The following FAM149A variants were observed in gnomAD, a reference collection of about 807,000 sequenced individuals.
FAM149A encodes family with sequence similarity 149 member A, also known as protein FAM149A.
FAM149A carries 71 observed loss-of-function variants against 78.2 expected under a neutral mutation model. That is an observed-to-expected ratio of 0.91 (90% CI 0.75 to 1.11). The LOEUF (loss-of-function observed/expected upper bound fraction) is 1.11, where lower values mean the gene tolerates loss of function less well. FAM149A is among the 50% of genes least tolerant of loss of function. The pLI is 0.00. For missense variants in FAM149A, 1,036 were observed against 971.0 expected (o/e 1.07, Z -0.89); for synonymous variants, 446 against 410.5 (o/e 1.09, Z -1.04).
intron 1 of FAM149A, among the ~76,000 whole-genome samples, chr4:186,135,645 C>G (rs919146302): frequency 1.3e-5 from 2 of 152,184 alleles, no homozygotes; most frequent in African/African-American, 4.8e-5. Flanking sequence ...ATACCTCGTG[C>G]CTGAAAGCTG....
Position 186,149,104 on chromosome 4 carries a change from TAA to T in FAM149A, c.567-66_567-65del. The T allele has an allele frequency of 5.0e-6, 6 of 1,200,698 alleles. No homozygotes were observed. The South Asian group carries it at 7.3e-5, about 15-fold the overall frequency. The allele number at this position is 1,200,698 out of a possible 1,614,324, so 74.4% of individuals were successfully genotyped here. Reference sequence around the variant, plus strand: ...GCAACTTTGTATAAAAGAGAAATTTTAAAAGTCTTAATGAATAAAACTATATT... The same window carrying T: ...GCAACTTTGTATAAAAGAGAAATTTTAAGTCTTAATGAATAAAACTATATT... On this transcript the variant is annotated intron_variant, in intron 1 of 13. Coordinates refer to ENST00000389354, the MANE Select transcript of FAM149A (RefSeq NM_001367768.3).
At chr4:186,126,731 C>A in intron 1 of FAM149A, 1 of 305,638 alleles carries the variant, frequency 3.3e-6, no homozygotes, top group Non-Finnish European at 4.8e-6. Flanking sequence ...ACACCACTGG[C>A]TTTCCTGGTT....
chr4:186,171,766 G>T, intron 13 of FAM149A, 148 bp from the exon 14 acceptor site: 3 of 568,734 alleles, frequency 5.3e-6, no homozygotes, highest in Admixed American at 8.6e-5. Context: ...GGCAGTTTTT[G>T]CATATGACTA....
chr4:186,166,062 C>T lies in FAM149A; in HGVS notation c.2010+598C>T, dbSNP rs146186625. Among the ~76,000 whole-genome samples the T allele has an allele frequency of 2.4e-3, 370 of 152,330 alleles. 5 individuals carry two copies. The highest frequency in any genetic ancestry group is 8.2e-3 in the African/African-American group (342 of 41,580). On this transcript the variant is annotated intron_variant, in intron 11 of 13. Coordinates refer to ENST00000389354, the MANE Select transcript of FAM149A (RefSeq NM_001367768.3). ...ATACCTTCTGCAGTCAGACTCGCCT[C>T]GGCCAGGCAGTCAGGTCTGCGGGGG...
intron 8 of FAM149A, among the ~76,000 whole-genome samples, chr4:186,159,663 C>T (rs1403112082): frequency 6.6e-6 from 1 of 152,044 alleles, no homozygotes; most frequent in Non-Finnish European, 1.5e-5. Context: ...CCCAAGAGCT[C>T]CTACTACAGG....
In FAM149A at chr4:186,163,448, G is replaced by T. The variant is rs1390787797; in HGVS notation, c.1704G>T (p.Ser568=). Residue 568 remains serine (S), a synonymous_variant, in exon 10 of 14, where the codon TCG becomes TCT. Transcript: ENST00000389354. ...GGAATGAGAAGGAGGACAAAGCATC[G>T]GGTGGAGGGGCAGGTGCTCTCTCCT... 1 of 1,613,668 alleles carries T rather than the reference G, an allele frequency of 6.2e-7. No individual in the cohort carries two copies.
At chr4:186,117,370 G>A (rs1036689891) in intron 1 of FAM149A, 4 of 928,000 alleles carry the variant, frequency 4.3e-6, no homozygotes, top group Non-Finnish European at 5.1e-6. Flanking sequence ...AACTGGAAAT[G>A]GATCTTATGA....
In FAM149A at chr4:186,172,085, G is replaced by A; in HGVS notation, c.*98G>A. On this transcript the variant is annotated 3_prime_UTR_variant, in exon 14 of 14. Coordinates refer to ENST00000389354, the MANE Select transcript of FAM149A (RefSeq NM_001367768.3). Reference sequence around the variant, plus strand: ...AAGTGTTATATTTATCTGTGTGTCTGACAGTGTGAGATGTTAGACCGAGAG... The same window carrying A: ...AAGTGTTATATTTATCTGTGTGTCTAACAGTGTGAGATGTTAGACCGAGAG... The A allele has an allele frequency of 8.6e-6, 13 of 1,511,984 alleles. No homozygotes were observed. Among genetic ancestry groups the A allele is most frequent in the Non-Finnish European group, 1.2e-5 (13 of 1,127,372 alleles). 93.7% of individuals were successfully genotyped at this position (1,511,984 alleles called of 1,614,324 possible). A position where few individuals can be genotyped will look rare whatever the true frequency, so the allele number is the denominator to read the frequency against.
intron 1 of FAM149A, chr4:186,123,977 C>T: frequency 1.0e-6 from 1 of 985,032 alleles, no homozygotes. Flanking sequence ...AACTAGATAG[C>T]TAAAATTTTC....
rs1333418417 is a variant in FAM149A, at chr4:186,158,366, C to T, written c.1575+647C>T. 4.2e-6 allele frequency: 5 copies of T among 1,202,204 alleles called. No individual in the cohort carries two copies. In the African/African-American group the frequency reaches 4.8e-5, roughly 11 times the overall value. 74.5% of individuals were successfully genotyped at this position (1,202,204 alleles called of 1,614,324 possible). ...CTGTGCTGTGTGGAAGTCGCCATCCCGTGCAACAAGGGAGCTCACTCAGTG... is the reference window on the plus strand; with the variant it reads ...CTGTGCTGTGTGGAAGTCGCCATCCTGTGCAACAAGGGAGCTCACTCAGTG... On this transcript the variant is annotated intron_variant, in intron 8 of 13. Transcript: ENST00000389354.
intron 1 of FAM149A, chr4:186,122,893 T>C (rs1043393154): frequency 3.5e-6 from 1 of 282,106 alleles, no homozygotes; most frequent in Non-Finnish European, 5.3e-6. Context: ...ATGTTCCAAA[T>C]TTCATATTTC....
intron 1 of FAM149A, among the ~76,000 whole-genome samples, chr4:186,120,908 C>T (rs1359750409): frequency 1.8e-5 from 2 of 113,414 alleles, no homozygotes; most frequent in Non-Finnish European, 3.3e-5. Context: ...GGCTGGAGTG[C>T]AGTGGCGCTA....
At chr4:186,136,952 CTCTCTCTCTCTT>C (rs1302006554) in intron 1 of FAM149A, among the ~76,000 whole-genome samples, 4,265 of 117,244 alleles carry the variant, frequency 0.036, 255 homozygotes, top group African/African-American at 0.081. Context: ...CTCTCTCTCT[CTCTCTCTCTCTT>C]TCTCTCTCTC....
intron 4 of FAM149A, among the ~76,000 whole-genome samples, 197 bp downstream of exon 4, chr4:186,152,242 C>T (rs1034368486): frequency 6.6e-6 from 1 of 152,200 alleles, no homozygotes; most frequent in Non-Finnish European, 1.5e-5. Context: ...AGTACTCAAG[C>T]GCCTTTTAAT....
intron 3 of FAM149A, among the ~76,000 whole-genome samples, chr4:186,150,395 T>C (rs55683192): frequency 0.36 from 44,440 of 124,918 alleles, 9,207 homozygotes; most frequent in East Asian, 0.5. Context: ...CTTGCTTGCT[T>C]TCTCTCTCTC....
chr4:186,154,051 G>A (rs1464740679), intron 5 of FAM149A, among the ~76,000 whole-genome samples: 5 of 152,176 alleles, frequency 3.3e-5, no homozygotes, highest in South Asian at 2.1e-4. Flanking sequence ...GCTGTGAAAG[G>A]TGGACTGGGT....
In FAM149A at chr4:186,160,065, C is replaced by T. The variant is rs542102508; in HGVS notation, c.1575+2346C>T. On this transcript the variant is annotated intron_variant, in intron 8 of 13. Transcript: ENST00000389354. ...AACACACCACATACCATACACCACGCACACACCACACACCAAACACATACC... is the reference window on the plus strand; with the variant it reads ...AACACACCACATACCATACACCACGTACACACCACACACCAAACACATACC... Among the ~76,000 whole-genome samples, 6 of 143,948 alleles carry T rather than the reference C, an allele frequency of 4.2e-5. No homozygotes were observed. The East Asian group carries it at 1.3e-3, about 31-fold the overall frequency. 94.4% of individuals were successfully genotyped at this position (143,948 alleles called of 152,430 possible). A position where few individuals can be genotyped will look rare whatever the true frequency, so the allele number is the denominator to read the frequency against.
intron 8 of FAM149A, among the ~76,000 whole-genome samples, chr4:186,159,762 A>C (rs1189420364): frequency 6.6e-6 from 1 of 152,020 alleles, no homozygotes; most frequent in Non-Finnish European, 1.5e-5. Flanking sequence ...GAAAGGATAC[A>C]CTTGTTCACG....
At chr4:186,125,387 T>C in intron 1 of FAM149A, 3 of 957,572 alleles carry the variant, frequency 3.1e-6, no homozygotes, top group Non-Finnish European at 3.7e-6. Context: ...TGATAGCCAC[T>C]GCTGAGGGAA....
Sources: gnomAD v4.1 joint callset for allele counts (sites outside exome capture counted in the v4.1 genomes callset) on GRCh38, gnomAD v4.1.1 for gene constraint, MANE v1.5 for transcripts, NCBI Gene and HGNC (gene_info 2026-07-23, HGNC 2026-07-21) for gene names.